The following KAZN variants were observed in gnomAD, a reference collection of about 807,000 sequenced individuals.
KAZN encodes kazrin.
KAZN carries 40 observed loss-of-function variants against 87.4 expected under a neutral mutation model. That is an observed-to-expected ratio of 0.46 (90% CI 0.36 to 0.60). The LOEUF (loss-of-function observed/expected upper bound fraction) is 0.60. Ranked by LOEUF, KAZN falls within the 20% of genes least tolerant of loss-of-function variation. The pLI, the probability that KAZN is intolerant of heterozygous loss-of-function variation, is 0.00. For synonymous variants in KAZN, 466 were observed against 458.3 expected (o/e 1.02, Z -0.22); for missense variants, 898 against 1,073.9 (o/e 0.84, Z 2.29).
chr1:14,390,831 C>T (rs1662353779), intron 2 of KAZN: 1 of 149,590 alleles, frequency 6.7e-6, no homozygotes, highest in East Asian at 1.9e-4. Flanking sequence ...AATCCTACCC[C>T]TGAGGGCAGA....
intron 1 of KAZN, among the ~76,000 whole-genome samples, chr1:14,686,425 G>A (rs1025391519): frequency 6.6e-6 from 1 of 152,230 alleles, no homozygotes; most frequent in African/African-American, 2.4e-5. Flanking sequence ...CACATTGCTG[G>A]GAGGGATTCA....
intron 2 of KAZN, among the ~76,000 whole-genome samples, chr1:14,427,914 A>G (rs1047626721): frequency 1.3e-5 from 2 of 152,216 alleles, no homozygotes; most frequent in African/African-American, 4.8e-5. Flanking sequence ...GGCAACAACT[A>G]TAGCCGAAGA....
intron 2 of KAZN, among the ~76,000 whole-genome samples, chr1:14,247,766 C>T (rs761807208): frequency 4.6e-5 from 7 of 152,010 alleles, no homozygotes; most frequent in Non-Finnish European, 1.0e-4. Flanking sequence ...ATGACAGGTT[C>T]ATGAAAGTGA....
At chr1:14,187,953 G>A (rs1646343293) in intron 2 of KAZN, among the ~76,000 whole-genome samples, 1 of 152,116 alleles carries the variant, frequency 6.6e-6, no homozygotes, top group Non-Finnish European at 1.5e-5. Flanking sequence ...TGCCAGGGAT[G>A]TTGCCAGCCT....
At chr1:14,398,888 C>G (rs535376828) in intron 2 of KAZN, among the ~76,000 whole-genome samples, 1 of 152,270 alleles carries the variant, frequency 6.6e-6, no homozygotes, top group East Asian at 1.9e-4. Context: ...TGTTCTCACT[C>G]TGTGACTTTC....
intron 1 of KAZN, among the ~76,000 whole-genome samples, chr1:14,119,930 G>T (rs1046928276): frequency 6.4e-5 from 3 of 46,658 alleles, no homozygotes; most frequent in Non-Finnish European, 1.1e-4. Flanking sequence ...CGATCTATTT[G>T]GTGTGAAAAA....
chr1:14,095,098 G>GT (rs1278708369), intron 1 of KAZN, among the ~76,000 whole-genome samples: 1 of 152,198 alleles, frequency 6.6e-6, no homozygotes, highest in Admixed American at 6.5e-5. Context: ...CAGGATGAAT[G>GT]TTTAGCATCC....
chr1:14,569,710 A>G (rs1308234221), intron 2 of KAZN, among the ~76,000 whole-genome samples: 3 of 152,090 alleles, frequency 2.0e-5, no homozygotes, highest in Non-Finnish European at 4.4e-5. Flanking sequence ...CAAGTCATTA[A>G]CACCTGGAAA....
At chr1:13,898,527 A>G (rs1301465099) in intron 1 of KAZN, among the ~76,000 whole-genome samples, 1 of 152,162 alleles carries the variant, frequency 6.6e-6, no homozygotes, top group East Asian at 1.9e-4. Context: ...CATTTTATCT[A>G]ATATGTCCTG....
intron 1 of KAZN, among the ~76,000 whole-genome samples, chr1:14,066,154 T>C (rs1338868022): frequency 6.6e-6 from 1 of 152,218 alleles, no homozygotes; most frequent in African/African-American, 2.4e-5. Context: ...GCAAACATCA[T>C]TATTTCATCC....
Position 14,211,147 on chromosome 1 carries a change from A to C in KAZN, c.249+30555A>C, listed in dbSNP as rs577926273. Among the ~76,000 whole-genome samples, 6 of 152,322 alleles carry C rather than the reference A, an allele frequency of 3.9e-5. No homozygotes were observed. In the South Asian group the frequency reaches 1.2e-3, roughly 32 times the overall value. Reference sequence around the variant, plus strand: ...GAAGGCACTCATACACCCAAATTGCAGAGAAGTCTTTGGATTTGAATCACA... The same window carrying C: ...GAAGGCACTCATACACCCAAATTGCCGAGAAGTCTTTGGATTTGAATCACA... On this transcript the variant is annotated intron_variant, in intron 2 of 16. Coordinates refer to the KAZN transcript ENST00000636203.
intron 1 of KAZN, among the ~76,000 whole-genome samples, chr1:14,841,924 C>T (rs1037291074): frequency 6.6e-6 from 1 of 152,190 alleles, no homozygotes; most frequent in African/African-American, 2.4e-5. Flanking sequence ...TAGCTGTGCT[C>T]CTGCCTTCAG....
At chr1:14,067,090 T>A (rs1377594303) in intron 1 of KAZN, among the ~76,000 whole-genome samples, 9 of 152,094 alleles carry the variant, frequency 5.9e-5, no homozygotes, top group Admixed American at 4.6e-4. Context: ...CCCTATCTAG[T>A]ATTCTTTATT....
At position 14,708,041 on chromosome 1, in the gene KAZN, G is replaced by A. The variant is rs534987006; in HGVS notation, c.226+108818G>A. 8.3e-4 allele frequency among the ~76,000 whole-genome samples: 126 copies of A among 152,308 alleles called. 1 individual carries two copies. Among genetic ancestry groups the A allele is most frequent in the African/African-American group, 2.9e-3 (122 of 41,566 alleles). On this transcript the variant is annotated intron_variant, in intron 1 of 14. Transcript: ENST00000376030. ...AATCCCAGGTCTGTGAGTTTGAGCA[G>A]TTTCTAGATCTAGCCAGGGTGACAC...
chr1:14,403,646 G>A (rs903813009), intron 2 of KAZN, among the ~76,000 whole-genome samples: 1 of 151,990 alleles, frequency 6.6e-6, no homozygotes, highest in African/African-American at 2.4e-5. Context: ...ATATGAAATG[G>A]CCAGTCTAGA....
chr1:15,101,162 CTT>C (rs1491159903), intron 10 of KAZN, among the ~76,000 whole-genome samples: 5 of 134,914 alleles, frequency 3.7e-5, no homozygotes, highest in African/African-American at 1.1e-4. Context: ...GAGTCTCGGT[CTT>C]TCTCTCTCTC....
At chr1:14,785,884 C>T (rs539775736) in intron 1 of KAZN, among the ~76,000 whole-genome samples, 2 of 152,278 alleles carry the variant, frequency 1.3e-5, no homozygotes, top group South Asian at 2.1e-4. Flanking sequence ...GGAAGGCATA[C>T]GCTTCCAAAC....
At chr1:15,036,941 A>G (rs1391505891) in intron 3 of KAZN, among the ~76,000 whole-genome samples, 1 of 152,128 alleles carries the variant, frequency 6.6e-6, no homozygotes, top group Non-Finnish European at 1.5e-5. Context: ...TAACTCACCC[A>G]CGGTCATGCA....
At chr1:14,739,048 A>T (rs148037870) in intron 1 of KAZN, among the ~76,000 whole-genome samples, 334 of 152,222 alleles carry the variant, frequency 2.2e-3, no homozygotes, top group African/African-American at 7.7e-3. Flanking sequence ...ATGGTGGTAT[A>T]CACCTGTGGT....
Sources: gnomAD v4.1 joint callset for allele counts (sites outside exome capture counted in the v4.1 genomes callset) on GRCh38, gnomAD v4.1.1 for gene constraint, MANE v1.5 for transcripts, NCBI Gene and HGNC (gene_info 2026-07-23, HGNC 2026-07-21) for gene names.